Variants in TEDC2 observed in about 807,000 individuals in gnomAD.
The protein encoded by TEDC2 is tubulin epsilon and delta complex 2, also known as tubulin epsilon and delta complex protein 2.
A neutral mutation model predicts 48.1 loss-of-function variants in TEDC2; 49 were observed. The ratio of observed to expected loss-of-function variants is 1.02; its 90% CI spans 0.81 to 1.29. The LOEUF (loss-of-function observed/expected upper bound fraction) is 1.29. Among genes scored for constraint, TEDC2 ranks in the 50% most tolerant of loss-of-function variants. The pLI is 0.00. For synonymous variants in TEDC2, 299 were observed against 247.1 expected (o/e 1.21, Z -1.97); for missense variants, 631 against 571.4 (o/e 1.10, Z -1.06).
chr16:2,460,530 TG>T, intron 2 of TEDC2, 92 bp from the exon 3 acceptor site: 4 of 1,553,444 alleles, frequency 2.6e-6, no homozygotes, highest in South Asian at 2.3e-5. Flanking sequence ...GGCTCTGAGC[TG>T]GGGGCCTGCC....
rs2065455918 is a variant in TEDC2, at chr16:2,460,181, C to A, written c.26+11C>A. 7.3e-7 allele frequency: 1 copy of A among 1,374,792 alleles called. No individual in the cohort carries two copies. Among genetic ancestry groups the A allele is most frequent in the Non-Finnish European group, 9.3e-7 (1 of 1,074,372 alleles). 85.2% of individuals were successfully genotyped at this position (1,374,792 alleles called of 1,614,324 possible). A position where few individuals can be genotyped will look rare whatever the true frequency, so the allele number is the denominator to read the frequency against. ...GGGCTGCTCGCGCCGGTGAGGCCTG[C>A]GCGGCAGGAGGGGGTGGGAGGATGC... is the stretch of plus-strand genomic sequence containing the variant. On this transcript the variant is annotated intron_variant, in intron 1 of 9. Transcript: ENST00000361837.
Position 2,464,922 on chromosome 16 carries a change from C to G in TEDC2, c.*254C>G. 3.7e-6 allele frequency: 2 copies of G among 537,578 alleles called. No individual in the cohort carries two copies. Among genetic ancestry groups the G allele is most frequent in the Non-Finnish European group, 6.6e-6 (2 of 303,508 alleles). 33.3% of individuals were successfully genotyped at this position (537,578 alleles called of 1,614,324 possible). A position where few individuals can be genotyped will look rare whatever the true frequency, so the allele number is the denominator to read the frequency against. ...CCCTCTGTTTTCTCTCACTGTAGAC[C>G]AAAGAGCCGCTTGTGTGATATTAAA... On this transcript the variant is annotated 3_prime_UTR_variant, in exon 10 of 10. Coordinates refer to ENST00000361837, the MANE Select transcript of TEDC2 (RefSeq NM_025108.3).
At chr16:2,463,287 TTC>T (rs2065479097) in intron 8 of TEDC2, among the ~76,000 whole-genome samples, 1 of 142,220 alleles carries the variant, frequency 7.0e-6, no homozygotes, top group African/African-American at 2.7e-5. Context: ...CGCCACTGCA[TTC>T]CAGCCTGGGC....
Position 2,464,693 on chromosome 16 carries a change from T to A in TEDC2, c.*25T>A. 6.2e-7 allele frequency: 1 copy of A among 1,612,158 alleles called. No individual in the cohort carries two copies. The highest frequency in any genetic ancestry group is 1.1e-5 in the South Asian group (1 of 90,990). On this transcript the variant is annotated 3_prime_UTR_variant, in exon 10 of 10. Transcript: ENST00000361837. ...AGCCTTTCCCATGCTGCCCTCGGCC[T>A]GTTCAGATGGGGATTGGGGGTGTCT...
intron 7 of TEDC2, 23 bp from the exon 8 acceptor site, chr16:2,462,608 T>C (rs2065473937): frequency 6.5e-7 from 1 of 1,537,956 alleles, no homozygotes; most frequent in Non-Finnish European, 8.8e-7. Context: ...GGGCCCCACC[T>C]GCTCTCCCTG....
intron 7 of TEDC2, 21 bp downstream of exon 7, chr16:2,462,547 T>C (rs1474234630): frequency 1.9e-6 from 3 of 1,580,720 alleles, no homozygotes; most frequent in Admixed American, 1.8e-5. Context: ...CCTGGGTCTG[T>C]ATCAGGAGGA....
Position 2,460,611 on chromosome 16 carries a change from G to C in TEDC2, c.126-12G>C. On this transcript the variant is annotated splice_polypyrimidine_tract_variant and intron_variant, in intron 2 of 9. Transcript: ENST00000361837. ...CCTCCTGGCCGTGCGACGGCTGCCC[G>C]TGTCTTTGCAGGGAACCAACTGGGA... 6.2e-7 allele frequency: 1 copy of C among 1,612,694 alleles called. No individual in the cohort carries two copies. Among genetic ancestry groups the C allele is most frequent in the Non-Finnish European group, 8.5e-7 (1 of 1,179,866 alleles).
Position 2,460,581 on chromosome 16 carries a change from C to T in TEDC2, c.126-42C>T, listed in dbSNP as rs58692486. The T allele has an allele frequency of 6.7e-4, 1,077 of 1,609,872 alleles. 6 individuals are homozygous for T. In the African/African-American group the frequency reaches 0.013, roughly 19 times the overall value. On this transcript the variant is annotated intron_variant, in intron 2 of 9. Coordinates refer to ENST00000361837, the MANE Select transcript of TEDC2 (RefSeq NM_025108.3). ...CCCCCTCGGGTCTGTTTGGGCTGGGCCCTGCCTCCTGGCCGTGCGACGGCT... is the reference window on the plus strand; with the variant it reads ...CCCCCTCGGGTCTGTTTGGGCTGGGTCCTGCCTCCTGGCCGTGCGACGGCT...
chr16:2,460,269 G>C lies in TEDC2; in HGVS notation c.27-14G>C, dbSNP rs1396071823. ...ACGCTGGCCGAGGTGCTGAGCCGCC[G>C]GTGCGTCCCCCAGGCTGGTGGCCGA... On this transcript the variant is annotated splice_polypyrimidine_tract_variant and intron_variant, in intron 1 of 9. Transcript: ENST00000361837. 6 of 1,517,988 alleles carry C rather than the reference G, an allele frequency of 4.0e-6. No homozygotes were observed. Among genetic ancestry groups the C allele is most frequent in the African/African-American group, 1.4e-5 (1 of 69,584 alleles). 94.0% of individuals were successfully genotyped at this position (1,517,988 alleles called of 1,614,324 possible).
chr16:2,460,904 T>G lies in TEDC2; in HGVS notation c.285T>G (p.Thr95=). The G allele has an allele frequency of 6.2e-7, 1 of 1,613,580 alleles. No individual in the cohort carries two copies. Among genetic ancestry groups the G allele is most frequent in the East Asian group, 2.2e-5 (1 of 44,886 alleles). Residue 95 remains threonine (T), a synonymous_variant, in exon 4 of 10, where the codon ACT becomes ACG. Transcript: ENST00000361837. ...CTGTACGAGTTCGAAGAGGCATCACTAAGGCCGGAGAGAGAGACAAGGCCC... is the reference window on the plus strand; with the variant it reads ...CTGTACGAGTTCGAAGAGGCATCACGAAGGCCGGAGAGAGAGACAAGGCCC... ...EKAVRVRRGI[T]KAGERDKAPS...
rs930377489 is a variant in TEDC2, at chr16:2,460,490, G to T, written c.125+109G>T. The stretch of plus-strand genomic sequence containing the variant: ...CGCAGCCGCCCACTTCGGAGCTGTG[G>T]GTTGTCAGTGCCACCCTCCTTACCC... On this transcript the variant is annotated intron_variant, in intron 2 of 9. Transcript: ENST00000361837. 104 of 1,499,938 alleles carry T rather than the reference G, an allele frequency of 6.9e-5. No homozygotes were observed. In the African/African-American group the frequency reaches 1.3e-3, roughly 18 times the overall value. 92.9% of individuals were successfully genotyped at this position (1,499,938 alleles called of 1,614,324 possible).
At chr16:2,461,456 G>A (rs1369191442) in intron 4 of TEDC2, 2 of 668,420 alleles carry the variant, frequency 3.0e-6, no homozygotes, top group Non-Finnish European at 4.9e-6. Flanking sequence ...CTTCTCTGTG[G>A]CTGTCCCCTT....
chr16:2,463,889 C>T lies in TEDC2; in HGVS notation c.965-150C>T, dbSNP rs1464469727. On this transcript the variant is annotated intron_variant, in intron 8 of 9. Coordinates refer to ENST00000361837, the MANE Select transcript of TEDC2 (RefSeq NM_025108.3). ...CCTGCCAGCAAGTCCAGGCCCAAGA[C>T]ACACCATCTTGCATGGGGCTGTCCT... 8 of 851,926 alleles carry T rather than the reference C, an allele frequency of 9.4e-6. No individual in the cohort carries two copies. In the South Asian group the frequency reaches 1.1e-4, roughly 12 times the overall value. 52.8% of individuals were successfully genotyped at this position (851,926 alleles called of 1,614,324 possible). A position where few individuals can be genotyped will look rare whatever the true frequency, so the allele number is the denominator to read the frequency against.
At position 2,462,228 on chromosome 16, in the gene TEDC2, A is replaced by G. The variant is rs750046762; in HGVS notation, c.739A>G (p.Met247Val). ...TGCCAAAACCCAGTTCCTCCAGAACATGCAGACAGCTGTATCCTTGCTGGG... is the reference window on the plus strand; with the variant it reads ...TGCCAAAACCCAGTTCCTCCAGAACGTGCAGACAGCTGTATCCTTGCTGGG... ...AAAKTQFLQN[M>V]QTASGGPQPR... is the part of the protein sequence containing the mutation. The change falls in exon 6 of 10, where the codon ATG becomes GTG. Residue 247 changes from methionine (M) to valine (V), a missense_variant. Met to Val is a conservative substitution (Grantham distance 21). Transcript: ENST00000361837. 2 of 1,613,338 alleles carry G rather than the reference A, an allele frequency of 1.2e-6. No homozygotes were observed. Among genetic ancestry groups the G allele is most frequent in the Non-Finnish European group, 1.7e-6 (2 of 1,180,012 alleles).
intron 8 of TEDC2, among the ~76,000 whole-genome samples, chr16:2,463,044 G>A (rs1007682104): frequency 4.6e-5 from 7 of 152,246 alleles, no homozygotes; most frequent in African/African-American, 1.7e-4. Flanking sequence ...TGTGAGGGCC[G>A]GGCGCGGTGG....
rs965396628 is a variant in TEDC2 at position 2,460,385 on chromosome 16, C to G, written c.125+4C>G. 1 of 1,544,650 alleles carries G rather than the reference C, an allele frequency of 6.5e-7. No individual in the cohort carries two copies. The highest frequency in any genetic ancestry group is 8.7e-7 in the Non-Finnish European group (1 of 1,146,314). ...GCCGTCGGCTGCTGCATGCCTGGTA[C>G]GCGGACCCCGGACCCACTGGCCAGA... On this transcript the variant is annotated splice_donor_region_variant and intron_variant, in intron 2 of 9. Coordinates refer to ENST00000361837, the MANE Select transcript of TEDC2 (RefSeq NM_025108.3).
chr16:2,462,532 T>G lies in TEDC2; in HGVS notation c.862+6T>G. On this transcript the variant is annotated splice_donor_region_variant and intron_variant, in intron 7 of 9. Coordinates refer to ENST00000361837, the MANE Select transcript of TEDC2 (RefSeq NM_025108.3). ...GAGGGAGGAGCTCTCGGCAGGTCAG[T>G]GGGTCCTGGGTCTGTATCAGGAGGA... 6.3e-7 allele frequency: 1 copy of G among 1,588,288 alleles called. No individual in the cohort carries two copies. The highest frequency in any genetic ancestry group is 2.2e-5 in the East Asian group (1 of 44,510).
chr16:2,460,274 G>A lies in TEDC2; in HGVS notation c.27-9G>A, dbSNP rs1177203061. 1 of 1,519,620 alleles carries A rather than the reference G, an allele frequency of 6.6e-7. No individual in the cohort carries two copies. Among genetic ancestry groups the A allele is most frequent in the Non-Finnish European group, 8.8e-7 (1 of 1,139,734 alleles). The allele number at this position is 1,519,620 out of a possible 1,614,324, so 94.1% of individuals were successfully genotyped here. On this transcript the variant is annotated splice_polypyrimidine_tract_variant and intron_variant, in intron 1 of 9. Coordinates refer to ENST00000361837, the MANE Select transcript of TEDC2 (RefSeq NM_025108.3). ...GGCCGAGGTGCTGAGCCGCCGGTGC[G>A]TCCCCCAGGCTGGTGGCCGAGCTGC... is the stretch of plus-strand genomic sequence containing the variant.
chr16:2,463,966 G>A (rs1463273110), intron 8 of TEDC2, 73 bp from the exon 9 acceptor site: 3 of 1,499,756 alleles, frequency 2.0e-6, no homozygotes, highest in Non-Finnish European at 2.7e-6. Context: ...ATGCGGGAGG[G>A]CCAGGCACAC....
Sources: allele counts gnomAD v4.1 joint callset (sites outside exome capture counted in the v4.1 genomes callset), GRCh38; gene constraint gnomAD v4.1.1; transcripts MANE v1.5; gene names NCBI Gene and HGNC (gene_info 2026-07-23, HGNC 2026-07-21).